ZNF714: variants seen among roughly 807,000 people sequenced by gnomAD.
ZNF714 encodes the protein zinc finger protein 714.
In ZNF714, 32 loss-of-function variants were observed where a neutral mutation model predicts 46.2. The observed-to-expected ratio is 0.69, with a 90% CI of 0.52 to 0.93. The LOEUF (loss-of-function observed/expected upper bound fraction) is 0.93, where lower values mean the gene tolerates loss of function less well. ZNF714 is among the 40% of genes least tolerant of loss of function. ZNF714 has a pLI of 0.00. For missense variants in ZNF714, 635 were observed against 646.3 expected (o/e 0.98, Z 0.19); for synonymous variants, 199 against 213.1 (o/e 0.93, Z 0.58).
rs181609994 is a variant in ZNF714, at chr19:21,114,305, G to A, written c.143-2502G>A. Among the ~76,000 whole-genome samples, 595 of 151,878 alleles carry A rather than the reference G, an allele frequency of 3.9e-3. 3 individuals carry two copies. Among genetic ancestry groups the A allele is most frequent in the African/African-American group, 0.014 (561 of 41,422 alleles). ...CAAAAAATTAGCCAGGTGTGGTGGC[G>A]GGTGCCTGTAGTCCCAGCTACTTGG... On this transcript the variant is annotated intron_variant, in intron 4 of 4. Coordinates refer to ENST00000456283, the MANE Select transcript of ZNF714 (RefSeq NM_182515.4).
chr19:21,105,228 G>T, intron 4 of ZNF714, among the ~76,000 whole-genome samples: 1 of 151,386 alleles, frequency 6.6e-6, no homozygotes. Context: ...TCACCATCTT[G>T]GTCAGGCCAG....
Position 21,098,205 on chromosome 19 carries a change from T to G in ZNF714, c.-64T>G, listed in dbSNP as rs753492956. The G allele has an allele frequency of 6.2e-6, 10 of 1,612,026 alleles. No individual in the cohort carries two copies. In the South Asian group the frequency reaches 1.1e-4, roughly 18 times the overall value. The stretch of plus-strand genomic sequence containing the variant: ...TTCAGGAGACGTTGACATTTAGGGA[T>G]GTGGCCATAGAATTCTCTCTGGAGG... On this transcript the variant is annotated 5_prime_UTR_variant, in exon 3 of 5. The change abolishes an upstream ATG in the 5' untranslated region. Coordinates refer to ENST00000456283, the MANE Select transcript of ZNF714 (RefSeq NM_182515.4).
At chr19:21,092,110 C>T (rs1227850448) in intron 2 of ZNF714, among the ~76,000 whole-genome samples, 1 of 152,158 alleles carries the variant, frequency 6.6e-6, no homozygotes, top group Non-Finnish European at 1.5e-5. Flanking sequence ...CTCCTGTACA[C>T]AGGCTTTCAC....
chr19:21,119,279 G>A lies in ZNF714; in HGVS notation c.*947G>A. 6.5e-6 allele frequency: 2 copies of A among 305,628 alleles called. No homozygotes were observed. The highest frequency in any genetic ancestry group is 2.4e-5 in the South Asian group (1 of 41,926). The allele number at this position is 305,628 out of a possible 1,614,324, so 18.9% of individuals were successfully genotyped here. On this transcript the variant is annotated 3_prime_UTR_variant, in exon 5 of 5. Coordinates refer to ENST00000456283, the MANE Select transcript of ZNF714 (RefSeq NM_182515.4). Reference sequence around the variant, plus strand: ...TTAGCCGGTTGCGGTGGTGGTGCCTGTAATCCCAGCTACTCAAGAGGCTGA... The same window carrying A: ...TTAGCCGGTTGCGGTGGTGGTGCCTATAATCCCAGCTACTCAAGAGGCTGA...
intron 2 of ZNF714, among the ~76,000 whole-genome samples, chr19:21,086,666 AC>A (rs1422534073): frequency 2.0e-5 from 3 of 152,084 alleles, no homozygotes; most frequent in Admixed American, 1.3e-4. Context: ...TCTTTTGCTG[AC>A]CTTCTATCCT....
chr19:21,108,970 C>T (rs770475387), intron 4 of ZNF714, among the ~76,000 whole-genome samples: 7 of 152,060 alleles, frequency 4.6e-5, no homozygotes, highest in Non-Finnish European at 2.9e-5. Flanking sequence ...GTTATAGATT[C>T]CTGGTAAATT....
At position 21,119,580 on chromosome 19, in the gene ZNF714, TGAA is replaced by T. The variant is rs972069477; in HGVS notation, c.*1252_*1254del. The T allele has an allele frequency of 6.6e-6, 1 of 152,236 alleles. No homozygotes were observed. Among genetic ancestry groups the T allele is most frequent in the Admixed American group, 6.5e-5 (1 of 15,278 alleles). 9.4% of individuals were successfully genotyped at this position (152,236 alleles called of 1,614,324 possible). A position where few individuals can be genotyped will look rare whatever the true frequency, so the allele number is the denominator to read the frequency against. On this transcript the variant is annotated 3_prime_UTR_variant, in exon 5 of 5. Coordinates refer to ENST00000456283, the MANE Select transcript of ZNF714 (RefSeq NM_182515.4). ...TTGTTCAATATCAGGGAATTTATATTGAAGAAAAATCATGCAAATGTAGTAAAT... is the reference window on the plus strand; with the variant it reads ...TTGTTCAATATCAGGGAATTTATATTGAAAAATCATGCAAATGTAGTAAAT...
At position 21,124,390 on chromosome 19, in the gene ZNF714, A is replaced by G. The variant is rs1210079644; in HGVS notation, c.*6058A>G. Among the ~76,000 whole-genome samples the G allele has an allele frequency of 6.6e-6, 1 of 152,218 alleles. No homozygotes were observed. ...CAGAGTTCCTATGATTATGACTAAA[A>G]AATTAAATGACAATAGTCCCCAAAC... On this transcript the variant is annotated 3_prime_UTR_variant, in exon 5 of 5. Transcript: ENST00000456283.
chr19:21,102,613 G>T (rs1337006554), intron 4 of ZNF714, among the ~76,000 whole-genome samples: 1 of 152,006 alleles, frequency 6.6e-6, no homozygotes, highest in Non-Finnish European at 1.5e-5. Flanking sequence ...CTTATTAAAA[G>T]TTTCTCATTA....
rs1319045754 is a variant in ZNF714, at chr19:21,124,365, CAG to C, written c.*6036_*6037del. ...ATATTTTGAACATGCTGTTAAATATCAGAGTTCCTATGATTATGACTAAAAAA... is the reference window on the plus strand; with the variant it reads ...ATATTTTGAACATGCTGTTAAATATCAGTTCCTATGATTATGACTAAAAAA... On this transcript the variant is annotated 3_prime_UTR_variant, in exon 5 of 5. Transcript: ENST00000456283. Among the ~76,000 whole-genome samples the C allele has an allele frequency of 3.3e-5, 5 of 152,040 alleles. No individual in the cohort carries two copies. Among genetic ancestry groups the C allele is most frequent in the East Asian group, 1.9e-4 (1 of 5,200 alleles).
chr19:21,103,065 T>C (rs756831531), intron 4 of ZNF714, among the ~76,000 whole-genome samples: 22 of 152,062 alleles, frequency 1.4e-4, no homozygotes, highest in Non-Finnish European at 3.1e-4. Flanking sequence ...TGATTTTCAG[T>C]GGGTATTTTA....
chr19:21,087,438 CTA>C (rs1277025458), intron 2 of ZNF714, among the ~76,000 whole-genome samples: 1 of 151,968 alleles, frequency 6.6e-6, no homozygotes, highest in Non-Finnish European at 1.5e-5. Context: ...GACATGTTTT[CTA>C]TGTGATTTTT....
At chr19:21,113,537 C>T (rs1444082108) in intron 4 of ZNF714, among the ~76,000 whole-genome samples, 11 of 147,452 alleles carry the variant, frequency 7.5e-5, no homozygotes, top group East Asian at 2.0e-4. Flanking sequence ...GACCGAGTCT[C>T]GCTCTGTCAC....
intron 2 of ZNF714, among the ~76,000 whole-genome samples, chr19:21,084,338 G>A (rs1968726886): frequency 6.6e-6 from 1 of 151,854 alleles, no homozygotes; most frequent in Non-Finnish European, 1.5e-5. Context: ...CCCTTTTGGA[G>A]AAGAAAAAGA....
chr19:21,082,494 C>A, intron 1 of ZNF714, 146 bp downstream of exon 1: 2 of 796,632 alleles, frequency 2.5e-6, no homozygotes, highest in Non-Finnish European at 3.8e-6. Flanking sequence ...GGCCTCAGTC[C>A]CCTTCAGCCA....
In ZNF714 at chr19:21,124,752, C is replaced by A. The variant is rs533629593; in HGVS notation, c.*6420C>A. Among the ~76,000 whole-genome samples the A allele has an allele frequency of 1.3e-5, 2 of 151,916 alleles. No homozygotes were observed. Among genetic ancestry groups the A allele is most frequent in the Non-Finnish European group, 2.9e-5 (2 of 67,986 alleles). On this transcript the variant is annotated 3_prime_UTR_variant, in exon 5 of 5. Transcript: ENST00000456283. ...ATTATTTGACAGACTTTCCAAACCC[C>A]CATTTCTTCTAAATACCTTGGCATC...
intron 4 of ZNF714, among the ~76,000 whole-genome samples, chr19:21,105,324 C>G (rs1568278589): frequency 6.6e-6 from 1 of 151,622 alleles, no homozygotes; most frequent in Non-Finnish European, 1.5e-5. Context: ...CCTGGCCTTA[C>G]TTTTTCATTT....
chr19:21,121,952 AT>A lies in ZNF714; in HGVS notation c.*3625del, dbSNP rs1376522543. ...TATGAAATTTAGTGCACACAAAATA[AT>A]TTTTAGATGTAATTCCAAAAGTAGT... On this transcript the variant is annotated 3_prime_UTR_variant, in exon 5 of 5. Transcript: ENST00000456283. 6.6e-6 allele frequency: 1 copy of A among 152,214 alleles called. No homozygotes were observed. The allele number at this position is 152,214 out of a possible 1,614,324, so 9.4% of individuals were successfully genotyped here. A position where few individuals can be genotyped will look rare whatever the true frequency, so the allele number is the denominator to read the frequency against.
chr19:21,123,540 A>G lies in ZNF714; in HGVS notation c.*5208A>G, dbSNP rs1969744117. Among the ~76,000 whole-genome samples the G allele has an allele frequency of 6.6e-6, 1 of 152,012 alleles. No individual in the cohort carries two copies. The highest frequency in any genetic ancestry group is 2.4e-5 in the African/African-American group (1 of 41,370). ...CGTCTAATTTTTTTGTATTTTTAGT[A>G]GAGACGGGATTTCACCATGTTAGCC... On this transcript the variant is annotated 3_prime_UTR_variant, in exon 5 of 5. Transcript: ENST00000456283.
Sources: allele counts gnomAD v4.1 joint callset (sites outside exome capture counted in the v4.1 genomes callset), GRCh38; gene constraint gnomAD v4.1.1; transcripts MANE v1.5; gene names NCBI Gene and HGNC (gene_info 2026-07-23, HGNC 2026-07-21).